The following NDFIP1 variants were observed in gnomAD, a reference collection of about 807,000 sequenced individuals.
The protein encoded by NDFIP1 is NEDD4 family-interacting protein 1.
A neutral mutation model predicts 28.8 loss-of-function variants in NDFIP1; 7 were observed. The ratio of observed to expected loss-of-function variants is 0.24; its 90% CI spans 0.14 to 0.46. The LOEUF is 0.46. Among genes scored for constraint, NDFIP1 ranks in the 20% least tolerant of loss-of-function variants. The pLI, the probability that NDFIP1 is intolerant of heterozygous loss-of-function variation, is 0.99. For missense variants in NDFIP1, 194 were observed against 269.1 expected, an observed-to-expected ratio of 0.72 and a Z score of 1.95; for synonymous variants, 92 against 101.0, an observed-to-expected ratio of 0.91 and a Z score of 0.53.
intron 7 of NDFIP1, among the ~76,000 whole-genome samples, chr5:142,146,506 T>A (rs1757391218): frequency 6.6e-6 from 1 of 152,222 alleles, no homozygotes; most frequent in Non-Finnish European, 1.5e-5. Flanking sequence ...GCTAGTACTG[T>A]TGGGTTGCTA....
chr5:142,117,149 A>C (rs1427691859), intron 1 of NDFIP1, among the ~76,000 whole-genome samples: 1 of 152,184 alleles, frequency 6.6e-6, no homozygotes, highest in African/African-American at 2.4e-5. Context: ...CTTGAATACA[A>C]TTTGGAGGTC....
At chr5:142,144,370 T>C in intron 6 of NDFIP1, 1 of 466,160 alleles carries the variant, frequency 2.1e-6, no homozygotes, top group Non-Finnish European at 3.9e-6. Flanking sequence ...AAGACACTAT[T>C]GACTCTTACA....
intron 1 of NDFIP1, among the ~76,000 whole-genome samples, chr5:142,121,975 A>G (rs539806856): frequency 1.4e-4 from 22 of 152,208 alleles, no homozygotes; most frequent in Non-Finnish European, 1.6e-4. Context: ...GTCTCAGTCC[A>G]CAGAGGGCTC....
chr5:142,138,590 A>G (rs541789110), intron 5 of NDFIP1, among the ~76,000 whole-genome samples: 5 of 152,170 alleles, frequency 3.3e-5, no homozygotes, highest in Non-Finnish European at 7.3e-5. Context: ...TAGTTTTTCT[A>G]CGTAGTGCCA....
chr5:142,140,474 C>A (rs1390563546), intron 5 of NDFIP1, 89 bp from the exon 6 acceptor site: 37 of 878,988 alleles, frequency 4.2e-5, no homozygotes, highest in Non-Finnish European at 5.8e-5. Flanking sequence ...AAGAATAAGT[C>A]TTGCATTTTG....
chr5:142,148,972 G>A (rs575914870), intron 7 of NDFIP1, among the ~76,000 whole-genome samples: 1 of 152,144 alleles, frequency 6.6e-6, no homozygotes, highest in East Asian at 1.9e-4. Flanking sequence ...TAACACAGTT[G>A]ATTGGTTATA....
In NDFIP1 at chr5:142,152,801, T is replaced by C. The variant is rs1335840978; in HGVS notation, c.*1073T>C. 1 of 165,382 alleles carries C rather than the reference T, an allele frequency of 6.0e-6. No individual in the cohort carries two copies. Among genetic ancestry groups the C allele is most frequent in the Admixed American group, 5.9e-5 (1 of 16,896 alleles). 10.2% of individuals were successfully genotyped at this position (165,382 alleles called of 1,614,324 possible). On this transcript the variant is annotated 3_prime_UTR_variant, in exon 8 of 8. Coordinates refer to ENST00000253814, the MANE Select transcript of NDFIP1 (RefSeq NM_030571.4). Reference sequence around the variant, plus strand: ...CCTTTTACTGTAGATTAGTGCTTAATTTCTTGGCTTGCATTTGTTGATTGC... The same window carrying C: ...CCTTTTACTGTAGATTAGTGCTTAACTTCTTGGCTTGCATTTGTTGATTGC...
intron 1 of NDFIP1, among the ~76,000 whole-genome samples, chr5:142,123,446 T>C (rs1463608504): frequency 6.6e-6 from 1 of 152,204 alleles, no homozygotes; most frequent in East Asian, 1.9e-4. Flanking sequence ...AAAATAATTC[T>C]TGAATAGATG....
intron 1 of NDFIP1, among the ~76,000 whole-genome samples, chr5:142,112,358 C>A (rs1165777901): frequency 1.3e-5 from 2 of 151,432 alleles, no homozygotes; most frequent in Non-Finnish European, 1.5e-5. Flanking sequence ...GCACTCCTGC[C>A]TGGCGACAGA....
intron 1 of NDFIP1, among the ~76,000 whole-genome samples, chr5:142,114,727 G>A (rs1335101930): frequency 6.6e-6 from 1 of 152,222 alleles, no homozygotes; most frequent in Non-Finnish European, 1.5e-5. Flanking sequence ...TCTGTGAGGA[G>A]TATGGAAACA....
rs143136406 is a variant in NDFIP1 at position 142,111,299 on chromosome 5, A to G, written c.63+2262A>G. Among the ~76,000 whole-genome samples the G allele has an allele frequency of 2.7e-3, 407 of 151,804 alleles. 2 individuals carry two copies. Among genetic ancestry groups the G allele is most frequent in the African/African-American group, 9.4e-3 (389 of 41,362 alleles). Reference sequence around the variant, plus strand: ...TCTATTTTGTAATGTTCTTCACACAATGTTATTAATGTCTTCTATATAAAA... The same window carrying G: ...TCTATTTTGTAATGTTCTTCACACAGTGTTATTAATGTCTTCTATATAAAA... On this transcript the variant is annotated intron_variant, in intron 1 of 7. Coordinates refer to ENST00000253814, the MANE Select transcript of NDFIP1 (RefSeq NM_030571.4).
intron 7 of NDFIP1, among the ~76,000 whole-genome samples, chr5:142,151,170 A>G (rs1369390681): frequency 2.0e-5 from 3 of 152,210 alleles, no homozygotes; most frequent in African/African-American, 7.2e-5. Flanking sequence ...CCCAAATACA[A>G]TGACTTTTTA....
In NDFIP1 at chr5:142,151,756, C is replaced by T. The variant is rs1443084366; in HGVS notation, c.*28C>T. 1 of 152,724 alleles carries T rather than the reference C, an allele frequency of 6.5e-6. No individual in the cohort carries two copies. The highest frequency in any genetic ancestry group is 1.5e-5 in the Non-Finnish European group (1 of 68,034). The allele number at this position is 152,724 out of a possible 1,614,324, so 9.5% of individuals were successfully genotyped here. ...ATGTTTTCTGGCAAAGGCCTTCCTG[C>T]ATTTATGAATTCTCTCTCAAGAAGC... On this transcript the variant is annotated 3_prime_UTR_variant, in exon 8 of 8. Coordinates refer to ENST00000253814, the MANE Select transcript of NDFIP1 (RefSeq NM_030571.4).
chr5:142,131,966 A>C, intron 2 of NDFIP1, 71 bp downstream of exon 2: 1 of 1,411,004 alleles, frequency 7.1e-7, no homozygotes, highest in Non-Finnish European at 9.6e-7. Context: ...AGTTTAAAAA[A>C]AAAAAAGCTT....
intron 1 of NDFIP1, among the ~76,000 whole-genome samples, chr5:142,119,324 C>A (rs572564075): frequency 1.6e-4 from 25 of 152,344 alleles, no homozygotes; most frequent in Non-Finnish European, 2.6e-4. Context: ...AACCCACACC[C>A]CTGTGGGAAA....
intron 6 of NDFIP1, chr5:142,142,940 A>AAAAAAAATATAT (rs60076432): frequency 5.2e-5 from 2 of 38,160 alleles, no homozygotes; most frequent in African/African-American, 2.5e-4. Flanking sequence ...AAAAAAAAAA[A>AAAAAAAATATAT]ATATATATAT....
chr5:142,133,534 C>T (rs549227637), intron 3 of NDFIP1, among the ~76,000 whole-genome samples: 7 of 152,308 alleles, frequency 4.6e-5, no homozygotes, highest in African/African-American at 1.7e-4. Flanking sequence ...GAAAGTCAAA[C>T]CCAGATATTC....
At chr5:142,142,940 A>AAAAATATATATATATAT (rs60076432) in intron 6 of NDFIP1, 1 of 38,144 alleles carries the variant, frequency 2.6e-5, no homozygotes. Context: ...AAAAAAAAAA[A>AAAAATATATATATATAT]ATATATATAT....
intron 1 of NDFIP1, among the ~76,000 whole-genome samples, chr5:142,118,147 T>C (rs545517146): frequency 1.8e-4 from 27 of 152,342 alleles, no homozygotes; most frequent in Middle Eastern, 6.8e-3. Context: ...GTTTTCACAA[T>C]TATTGAACCA....
Sources: allele counts gnomAD v4.1 joint callset (sites outside exome capture counted in the v4.1 genomes callset), GRCh38; gene constraint gnomAD v4.1.1; transcripts MANE v1.5; gene names NCBI Gene and HGNC (gene_info 2026-07-23, HGNC 2026-07-21).